Variants in FAM222A observed in about 807,000 individuals in gnomAD.
FAM222A encodes the protein family with sequence similarity 222 member A.
Under a neutral mutation model 25.8 loss-of-function variants are expected in FAM222A, and 7 were observed. The observed-to-expected ratio is 0.27, with a 90% CI of 0.15 to 0.51. The LOEUF (loss-of-function observed/expected upper bound fraction) is 0.51. FAM222A is among the 20% of genes least tolerant of loss of function. The pLI is 0.97. For synonymous variants in FAM222A, 294 were observed against 298.8 expected (o/e 0.98, Z 0.17); for missense variants, 573 against 640.5 (o/e 0.89, Z 1.14).
chr12:109,736,760 G>A (rs1282137279), intron 1 of FAM222A, among the ~76,000 whole-genome samples: 3 of 152,136 alleles, frequency 2.0e-5, no homozygotes, highest in Non-Finnish European at 2.9e-5. Context: ...TTCCCATGGC[G>A]ACTGACATCA....
At chr12:109,739,178 C>T (rs376139967) in intron 1 of FAM222A, among the ~76,000 whole-genome samples, 6 of 152,350 alleles carry the variant, frequency 3.9e-5, no homozygotes, top group East Asian at 1.9e-4. Context: ...AGGGCCCTGC[C>T]GTGAAGCCAG....
At chr12:109,727,668 T>G (rs1170753941) in intron 1 of FAM222A, among the ~76,000 whole-genome samples, 4 of 151,964 alleles carry the variant, frequency 2.6e-5, no homozygotes, top group African/African-American at 9.7e-5. Flanking sequence ...GGTCATGGGG[T>G]GGGGATGTGG....
intron 1 of FAM222A, chr12:109,734,605 A>G (rs1367267100): frequency 5.3e-5 from 8 of 151,930 alleles, no homozygotes; most frequent in Non-Finnish European, 1.0e-4. Flanking sequence ...TTTAAAAAAA[A>G]AAAAAAAGAA....
At chr12:109,744,966 T>G (rs1252486067) in intron 2 of FAM222A, among the ~76,000 whole-genome samples, 1 of 152,148 alleles carries the variant, frequency 6.6e-6, no homozygotes, top group Non-Finnish European at 1.5e-5. Context: ...CTATTGCTTC[T>G]GTGCTATAGC....
chr12:109,726,119 TAAAAAAAAA>T (rs11464580), intron 1 of FAM222A, among the ~76,000 whole-genome samples: 2 of 110,382 alleles, frequency 1.8e-5, no homozygotes, highest in African/African-American at 3.4e-5. Context: ...AAAAAATTGC[TAAAAAAAAA>T]AAAAAAAAAA....
chr12:109,739,922 A>G (rs1333668279), intron 1 of FAM222A, among the ~76,000 whole-genome samples: 2 of 152,212 alleles, frequency 1.3e-5, no homozygotes, highest in African/African-American at 4.8e-5. Context: ...GAGGGCAGTC[A>G]ATACATGCTC....
At chr12:109,762,246 C>T (rs560254225) in intron 2 of FAM222A, among the ~76,000 whole-genome samples, 60 of 152,318 alleles carry the variant, frequency 3.9e-4, no homozygotes, top group African/African-American at 1.4e-3. Flanking sequence ...GGGCCGGGCA[C>T]AGTGGGGAGG....
Position 109,768,253 on chromosome 12 carries a change from C to T in FAM222A, c.324C>T (p.Ala108=), listed in dbSNP as rs769940422. 45 of 1,609,198 alleles carry T rather than the reference C, an allele frequency of 2.8e-5. No individual in the cohort carries two copies. Among genetic ancestry groups the T allele is most frequent in the Middle Eastern group, 1.6e-4 (1 of 6,076 alleles). Residue 108 remains alanine, a synonymous_variant, in exon 3 of 3, where the codon GCC becomes GCT. Transcript: ENST00000538780. Reference sequence around the variant, plus strand: ...AGGGCCTTCTGGCCATTGTCAAGGCCGCGGTTTCCTCCTCCAGCACGGCCG... The same window carrying T: ...AGGGCCTTCTGGCCATTGTCAAGGCTGCGGTTTCCTCCTCCAGCACGGCCG... ...GYQGLLAIVK[A]AVSSSSTAAP...
At chr12:109,748,865 GCTT>G (rs1888479422) in intron 2 of FAM222A, among the ~76,000 whole-genome samples, 1 of 151,750 alleles carries the variant, frequency 6.6e-6, no homozygotes, top group South Asian at 2.1e-4. Flanking sequence ...ATTAATTTGT[GCTT>G]TTATCTTTAT....
At chr12:109,736,289 C>G (rs1003107227) in intron 1 of FAM222A, among the ~76,000 whole-genome samples, 27 of 152,328 alleles carry the variant, frequency 1.8e-4, no homozygotes, top group Admixed American at 1.6e-3. Flanking sequence ...TAGCTTTTTC[C>G]TACTTACCTG....
chr12:109,732,012 A>G (rs1017525835), intron 1 of FAM222A, among the ~76,000 whole-genome samples: 1 of 152,168 alleles, frequency 6.6e-6, no homozygotes, highest in Non-Finnish European at 1.5e-5. Flanking sequence ...GGCAAGCCAC[A>G]CCATCTGTGG....
chr12:109,739,671 A>T (rs117843794), intron 1 of FAM222A, among the ~76,000 whole-genome samples: 4 of 151,972 alleles, frequency 2.6e-5, no homozygotes, highest in Non-Finnish European at 5.9e-5. Flanking sequence ...GGAGAAGCAG[A>T]CCCTTGCTTC....
At chr12:109,743,386 G>A (rs541853830) in intron 1 of FAM222A, among the ~76,000 whole-genome samples, 71 of 152,362 alleles carry the variant, frequency 4.7e-4, no homozygotes, top group African/African-American at 1.7e-3. Context: ...GGGCCTGTGT[G>A]CAGCCACATC....
chr12:109,718,709 C>T (rs775926752), intron 1 of FAM222A, among the ~76,000 whole-genome samples: 3 of 152,312 alleles, frequency 2.0e-5, no homozygotes, highest in Non-Finnish European at 4.4e-5. Context: ...CCGCGGGCGC[C>T]GCCCGCCGCC....
At position 109,731,168 on chromosome 12, in the gene FAM222A, A is replaced by G. The variant is rs909415211; in HGVS notation, c.-46-12933A>G. On this transcript the variant is annotated intron_variant, in intron 1 of 2. Coordinates refer to ENST00000538780, the MANE Select transcript of FAM222A (RefSeq NM_032829.3). ...AGGTGCTGTTTCGTCCTTCCTAGAC[A>G]CTGTCCGTCAGGAGCCAGAGGGGTA... Among the ~76,000 whole-genome samples the G allele has an allele frequency of 5.9e-5, 9 of 152,050 alleles. No homozygotes were observed. In the South Asian group the frequency reaches 1.2e-3, roughly 21 times the overall value.
chr12:109,765,826 C>T (rs778262978), intron 2 of FAM222A, among the ~76,000 whole-genome samples: 1 of 152,232 alleles, frequency 6.6e-6, no homozygotes, highest in Non-Finnish European at 1.5e-5. Flanking sequence ...GGCATGAGTC[C>T]CCTGCCCCTT....
At chr12:109,756,593 C>T (rs1352873088) in intron 2 of FAM222A, among the ~76,000 whole-genome samples, 1 of 152,108 alleles carries the variant, frequency 6.6e-6, no homozygotes, top group African/African-American at 2.4e-5. Flanking sequence ...GGCAAATGCT[C>T]TGTGTCTATT....
rs141336934 is a variant in FAM222A, at chr12:109,718,356, G to A, written c.-47+3459G>A. Among the ~76,000 whole-genome samples the A allele has an allele frequency of 3.3e-4, 50 of 149,558 alleles. No individual in the cohort carries two copies. The East Asian group carries it at 6.5e-3, about 19-fold the overall frequency. ...TGGCTCTTTTCTGAGCTTCTGCGGG[G>A]GCTGGGACTTGGCCGGGGGTCCCTC... On this transcript the variant is annotated intron_variant, in intron 1 of 2. Transcript: ENST00000538780.
At chr12:109,766,322 G>A (rs1889049060) in intron 2 of FAM222A, among the ~76,000 whole-genome samples, 1 of 152,232 alleles carries the variant, frequency 6.6e-6, no homozygotes, top group African/African-American at 2.4e-5. Context: ...ATGGGGGCAG[G>A]AGTCTGCCCG....
Sources: gnomAD v4.1 joint callset for allele counts (sites outside exome capture counted in the v4.1 genomes callset) on GRCh38, gnomAD v4.1.1 for gene constraint, MANE v1.5 for transcripts, NCBI Gene and HGNC (gene_info 2026-07-23, HGNC 2026-07-21) for gene names.